The following PSEN1 variants were observed in gnomAD, a reference collection of about 807,000 sequenced individuals.
The protein encoded by PSEN1 is presenilin 1.
Under a neutral mutation model 53.5 loss-of-function variants are expected in PSEN1, and 15 were observed. The ratio of observed to expected loss-of-function variants is 0.28; its 90% CI spans 0.19 to 0.43. PSEN1 has a LOEUF of 0.43. Among genes scored for constraint, PSEN1 ranks in the 20% least tolerant of loss-of-function variants. The pLI is 1.00. For synonymous variants in PSEN1, 208 were observed against 209.8 expected (o/e 0.99, Z 0.08); for missense variants, 387 against 571.2 (o/e 0.68, Z 3.29).
chr14:73,166,190 C>T (rs1330094323), intron 3 of PSEN1, among the ~76,000 whole-genome samples: 1 of 152,134 alleles, frequency 6.6e-6, no homozygotes, highest in African/African-American at 2.4e-5. Context: ...TTGGGCAGGG[C>T]AGGGTTGAGT....
At chr14:73,173,980 C>T in intron 5 of PSEN1, 2 of 586,752 alleles carry the variant, frequency 3.4e-6, no homozygotes, top group Non-Finnish European at 6.0e-6. Context: ...CAAGACCCTG[C>T]CTCTATTAAA....
At position 73,147,812 on chromosome 14, in the gene PSEN1, G is replaced by A; in HGVS notation, c.-118G>A. The A allele has an allele frequency of 1.7e-6, 1 of 576,738 alleles. No homozygotes were observed. The highest frequency in any genetic ancestry group is 2.0e-5 in the South Asian group (1 of 50,176). 35.7% of individuals were successfully genotyped at this position (576,738 alleles called of 1,614,324 possible). ...TATTTCAGACCTAATCTGGGAGCCTGCAAGTGACAACAGCCTTTGCGGTCC... is the reference window on the plus strand; with the variant it reads ...TATTTCAGACCTAATCTGGGAGCCTACAAGTGACAACAGCCTTTGCGGTCC... On this transcript the variant is annotated 5_prime_UTR_variant, in exon 2 of 12. Coordinates refer to ENST00000324501, the MANE Select transcript of PSEN1 (RefSeq NM_000021.4).
chr14:73,175,964 CTG>C (rs559722991), intron 5 of PSEN1, among the ~76,000 whole-genome samples: 209 of 152,308 alleles, frequency 1.4e-3, no homozygotes, highest in African/African-American at 4.8e-3. Flanking sequence ...TTTTTTAAAA[CTG>C]TGCTGGTTTT....
chr14:73,143,818 G>A (rs1290785789), intron 1 of PSEN1, among the ~76,000 whole-genome samples: 2 of 151,716 alleles, frequency 1.3e-5, no homozygotes, highest in Non-Finnish European at 2.9e-5. Context: ...AGACCAGCCT[G>A]GGCGATACAG....
intron 3 of PSEN1, among the ~76,000 whole-genome samples, chr14:73,148,396 G>T (rs917776262): frequency 5.3e-5 from 8 of 152,078 alleles, no homozygotes; most frequent in Admixed American, 3.3e-4. Context: ...TACCTATCTT[G>T]CTCTTATTCT....
intron 1 of PSEN1, among the ~76,000 whole-genome samples, chr14:73,137,439 C>T (rs1185363782): frequency 6.6e-6 from 1 of 152,176 alleles, no homozygotes; most frequent in Admixed American, 6.5e-5. Flanking sequence ...GGAAGTGTCA[C>T]TTTGGAAGTG....
chr14:73,184,752 C>T (rs1476484925), intron 5 of PSEN1, among the ~76,000 whole-genome samples: 1 of 151,306 alleles, frequency 6.6e-6, no homozygotes, highest in Non-Finnish European at 1.5e-5. Context: ...GCTGACCCCC[C>T]CCACCTCCCT....
chr14:73,163,306 G>A (rs1422674672), intron 3 of PSEN1, among the ~76,000 whole-genome samples: 1 of 152,136 alleles, frequency 6.6e-6, no homozygotes, highest in Non-Finnish European at 1.5e-5. Flanking sequence ...GGCTGGACTC[G>A]ATGGCTCATG....
intron 3 of PSEN1, among the ~76,000 whole-genome samples, chr14:73,154,134 G>A (rs1396972513): frequency 6.6e-6 from 1 of 152,084 alleles, no homozygotes; most frequent in African/African-American, 2.4e-5. Flanking sequence ...CTGCTTACAT[G>A]CGTGCATGAA....
Position 73,148,108 on chromosome 14 carries a change from TAC to T in PSEN1, c.87+4_87+5del. 6.2e-7 allele frequency: 1 copy of T among 1,610,534 alleles called. No individual in the cohort carries two copies. The highest frequency in any genetic ancestry group is 8.5e-7 in the Non-Finnish European group (1 of 1,177,032). Reference sequence around the variant, plus strand: ...CTGAGCAATACTGTACGTAGCCAGGTACAGTGTCAGTCTCTGAAACTGCCTTT... The same window carrying T: ...CTGAGCAATACTGTACGTAGCCAGGTAGTGTCAGTCTCTGAAACTGCCTTT... On this transcript the variant is annotated splice_donor_region_variant and intron_variant, in intron 3 of 11. Transcript: ENST00000324501.
chr14:73,179,522 C>T (rs1280416181), intron 5 of PSEN1, among the ~76,000 whole-genome samples: 1 of 152,118 alleles, frequency 6.6e-6, no homozygotes. Context: ...GAGGCTGAGG[C>T]AGGAGTATTG....
intron 3 of PSEN1, among the ~76,000 whole-genome samples, chr14:73,167,236 C>G (rs1009656211): frequency 6.6e-6 from 1 of 152,124 alleles, no homozygotes; most frequent in South Asian, 2.1e-4. Flanking sequence ...GATAACTAAC[C>G]TACTCCTGTG....
At chr14:73,162,555 A>T (rs1897584757) in intron 3 of PSEN1, among the ~76,000 whole-genome samples, 1 of 151,594 alleles carries the variant, frequency 6.6e-6, no homozygotes, top group African/African-American at 2.4e-5. Flanking sequence ...GCTGCTCAGG[A>T]GGCTGAGGTG....
intron 1 of PSEN1, among the ~76,000 whole-genome samples, chr14:73,140,502 C>A (rs1015611388): frequency 6.6e-6 from 1 of 152,088 alleles, no homozygotes; most frequent in Non-Finnish European, 1.5e-5. Flanking sequence ...AGCCACTGCA[C>A]CTGGCCAAGG....
At chr14:73,138,363 C>T (rs1266369472) in intron 1 of PSEN1, among the ~76,000 whole-genome samples, 1 of 151,566 alleles carries the variant, frequency 6.6e-6, no homozygotes, top group Non-Finnish European at 1.5e-5. Flanking sequence ...GGACTACAGG[C>T]GTCCGCCACC....
chr14:73,161,152 T>C (rs1052688729), intron 3 of PSEN1, among the ~76,000 whole-genome samples: 2 of 151,894 alleles, frequency 1.3e-5, no homozygotes, highest in African/African-American at 4.8e-5. Flanking sequence ...TTTTTGTATT[T>C]TTTGTAGAGA....
chr14:73,171,683 G>C (rs1277545626), intron 4 of PSEN1, among the ~76,000 whole-genome samples: 1 of 152,176 alleles, frequency 6.6e-6, no homozygotes, highest in African/African-American at 2.4e-5. Context: ...GAATGATGGG[G>C]TGAGTGCTTT....
At chr14:73,144,559 G>A (rs1897017379) in intron 1 of PSEN1, among the ~76,000 whole-genome samples, 1 of 152,134 alleles carries the variant, frequency 6.6e-6, no homozygotes, top group African/African-American at 2.4e-5. Context: ...TTTATAAAGA[G>A]GCAATATAGT....
chr14:73,196,061 A>G (rs1898927536), intron 7 of PSEN1, among the ~76,000 whole-genome samples: 1 of 152,190 alleles, frequency 6.6e-6, no homozygotes, highest in Admixed American at 6.5e-5. Flanking sequence ...TTTTAAACAA[A>G]AGAGATTTTT....
Sources: gnomAD v4.1 joint callset for allele counts (sites outside exome capture counted in the v4.1 genomes callset) on GRCh38, gnomAD v4.1.1 for gene constraint, MANE v1.5 for transcripts, NCBI Gene and HGNC (gene_info 2026-07-23, HGNC 2026-07-21) for gene names.